COL4A1: variants seen among roughly 807,000 people sequenced by gnomAD.
The protein encoded by COL4A1 is collagen alpha-1(IV) chain.
Under a neutral mutation model 216.6 loss-of-function variants are expected in COL4A1, and 40 were observed. The observed-to-expected ratio is 0.18, with a 90% CI of 0.14 to 0.24. The LOEUF is 0.24. Among genes scored for constraint, COL4A1 ranks in the 10% least tolerant of loss-of-function variants. The pLI is 1.00. For missense variants in COL4A1, 1,628 were observed against 2,196.8 expected (o/e 0.74, Z 5.18); for synonymous variants, 839 against 810.7 (o/e 1.03, Z -0.59).
At chr13:110,261,900 G>A (rs1162058115) in intron 1 of COL4A1, among the ~76,000 whole-genome samples, 3 of 152,240 alleles carry the variant, frequency 2.0e-5, no homozygotes, top group Non-Finnish European at 4.4e-5. Flanking sequence ...GACAGTGAGT[G>A]ACTCATTTCG....
chr13:110,196,354 G>A (rs527404969), intron 21 of COL4A1, among the ~76,000 whole-genome samples: 4 of 152,118 alleles, frequency 2.6e-5, no homozygotes, highest in Non-Finnish European at 5.9e-5. Context: ...TGGCACCATC[G>A]TCTTAAACAA....
chr13:110,198,422 G>A, intron 21 of COL4A1, 45 bp downstream of exon 21: 1 of 1,610,952 alleles, frequency 6.2e-7, no homozygotes, highest in Non-Finnish European at 8.5e-7. Flanking sequence ...CGGCACCCTG[G>A]TGTCTGCTTG....
intron 1 of COL4A1, among the ~76,000 whole-genome samples, chr13:110,251,060 C>T (rs1407863543): frequency 6.6e-6 from 1 of 152,254 alleles, no homozygotes; most frequent in Non-Finnish European, 1.5e-5. Flanking sequence ...CCACCAGTGC[C>T]TATTTTACAG....
chr13:110,280,380 G>T (rs769478670), intron 1 of COL4A1, among the ~76,000 whole-genome samples: 7 of 152,292 alleles, frequency 4.6e-5, no homozygotes, highest in African/African-American at 7.2e-5. Flanking sequence ...ATGCCTTTAG[G>T]AGTTCCCTCA....
intron 48 of COL4A1, 27 bp downstream of exon 48, chr13:110,162,203 G>A: frequency 6.3e-7 from 1 of 1,598,492 alleles, no homozygotes; most frequent in Non-Finnish European, 8.6e-7. Context: ...TACACTGAAT[G>A]AATGCATGGA....
At chr13:110,269,064 C>G (rs1883149736) in intron 1 of COL4A1, among the ~76,000 whole-genome samples, 1 of 152,186 alleles carries the variant, frequency 6.6e-6, no homozygotes, top group African/African-American at 2.4e-5. Flanking sequence ...TGGAAAAGTG[C>G]CAGCTGTATT....
intron 2 of COL4A1, among the ~76,000 whole-genome samples, chr13:110,225,161 G>A (rs1304642317): frequency 6.6e-6 from 1 of 152,178 alleles, no homozygotes; most frequent in Non-Finnish European, 1.5e-5. Context: ...CCCTTGCCAG[G>A]GTGTGCAGAG....
chr13:110,201,366 C>G (rs1409734061), intron 19 of COL4A1, 72 bp downstream of exon 19: 151 of 1,047,874 alleles, frequency 1.4e-4, no homozygotes, highest in African/African-American at 7.3e-4. Context: ...AGGAAGAGGA[C>G]GAGGAGGAGG....
chr13:110,239,020 C>T (rs1881444939), intron 2 of COL4A1, among the ~76,000 whole-genome samples: 1 of 152,230 alleles, frequency 6.6e-6, no homozygotes, highest in Middle Eastern at 3.4e-3. Flanking sequence ...TGTGCAAGGC[C>T]AAATTAATTA....
intron 1 of COL4A1, among the ~76,000 whole-genome samples, chr13:110,243,979 A>G (rs1020564133): frequency 6.6e-6 from 1 of 152,230 alleles, no homozygotes; most frequent in African/African-American, 2.4e-5. Flanking sequence ...ATTTTAAACC[A>G]TGACAGACAC....
chr13:110,160,978 G>A (rs1877055745), intron 49 of COL4A1: 1 of 602,724 alleles, frequency 1.7e-6, no homozygotes, highest in Non-Finnish European at 2.9e-6. Flanking sequence ...CAAAGTGTTG[G>A]GATTACGGGC....
chr13:110,270,149 T>A (rs556712185), intron 1 of COL4A1, among the ~76,000 whole-genome samples: 1 of 152,334 alleles, frequency 6.6e-6, no homozygotes, highest in African/African-American at 2.4e-5. Flanking sequence ...ACTGTGAAGC[T>A]GCTGTGAAGG....
intron 1 of COL4A1, among the ~76,000 whole-genome samples, chr13:110,249,249 C>A (rs185511064): frequency 2.0e-5 from 3 of 152,084 alleles, no homozygotes; most frequent in African/African-American, 4.8e-5. Context: ...TTGCTTGTTG[C>A]GGGCGGTGAC....
chr13:110,177,637 T>G (rs1004184061), intron 33 of COL4A1, among the ~76,000 whole-genome samples: 1 of 152,196 alleles, frequency 6.6e-6, no homozygotes, highest in Non-Finnish European at 1.5e-5. Flanking sequence ...CTGATTTGCT[T>G]GGCCAAGCAC....
intron 1 of COL4A1, among the ~76,000 whole-genome samples, chr13:110,304,566 G>C (rs1039079649): frequency 2.0e-5 from 3 of 152,186 alleles, no homozygotes; most frequent in African/African-American, 7.2e-5. Flanking sequence ...CTGCTGGCAC[G>C]TGTTTGTCTG....
rs2139207504 is a variant in COL4A1 at position 110,214,110 on chromosome 13, T to C, written c.145-95A>G. Reference sequence around the variant, plus strand: ...TGTGATGGCTATATATATATTTTTTTTGAGATGGAGTCTCATTCTGTTGCC... The same window carrying C: ...TGTGATGGCTATATATATATTTTTTCTGAGATGGAGTCTCATTCTGTTGCC... On this transcript the variant is annotated intron_variant, in intron 2 of 51. Coordinates refer to ENST00000375820, the MANE Select transcript of COL4A1 (RefSeq NM_001845.6). 4 of 1,023,888 alleles carry C rather than the reference T, an allele frequency of 3.9e-6. No homozygotes were observed. The South Asian group carries it at 5.2e-5, about 13-fold the overall frequency. 63.4% of individuals were successfully genotyped at this position (1,023,888 alleles called of 1,614,324 possible).
At chr13:110,267,414 T>C (rs1230448102) in intron 1 of COL4A1, among the ~76,000 whole-genome samples, 1 of 152,188 alleles carries the variant, frequency 6.6e-6, no homozygotes, top group Non-Finnish European at 1.5e-5. Flanking sequence ...TGCACAGCTG[T>C]CATCTCAGTG....
At chr13:110,196,874 A>T (rs2139185209) in intron 21 of COL4A1, among the ~76,000 whole-genome samples, 1 of 152,336 alleles carries the variant, frequency 6.6e-6, no homozygotes, top group Non-Finnish European at 1.5e-5. Flanking sequence ...TTTAAGATGT[A>T]GCCTCTTTAA....
chr13:110,283,912 G>T (rs1341048103), intron 1 of COL4A1, among the ~76,000 whole-genome samples: 1 of 152,202 alleles, frequency 6.6e-6, no homozygotes, highest in East Asian at 1.9e-4. Context: ...AGATGAGGTG[G>T]CAAAAGCTCT....
Sources: allele counts gnomAD v4.1 joint callset (sites outside exome capture counted in the v4.1 genomes callset), GRCh38; gene constraint gnomAD v4.1.1; transcripts MANE v1.5; gene names NCBI Gene and HGNC (gene_info 2026-07-23, HGNC 2026-07-21).